Variants in CLASP1 observed in about 807,000 individuals in gnomAD.
CLASP1 encodes CLIP-associating protein 1.
CLASP1 carries 38 observed loss-of-function variants against 192.3 expected under a neutral mutation model. The observed-to-expected ratio is 0.20, with a 90% CI of 0.15 to 0.26. The LOEUF (loss-of-function observed/expected upper bound fraction) is 0.26. Among genes scored for constraint, CLASP1 ranks in the 10% least tolerant of loss-of-function variants. The pLI is 1.00. For synonymous variants in CLASP1, 691 were observed against 712.8 expected, an observed-to-expected ratio of 0.97 and a Z score of 0.49; for missense variants, 1,433 against 1,932.5, an observed-to-expected ratio of 0.74 and a Z score of 4.85.
chr2:121,356,897 G>A (rs1222947100), intron 37 of CLASP1, among the ~76,000 whole-genome samples: 1 of 152,188 alleles, frequency 6.6e-6, no homozygotes, highest in African/African-American at 2.4e-5. Context: ...ATGATGAGAA[G>A]GAGTGGAAAG....
intron 1 of CLASP1, among the ~76,000 whole-genome samples, chr2:121,609,708 T>C (rs2064945443): frequency 1.3e-5 from 2 of 152,162 alleles, no homozygotes; most frequent in South Asian, 4.1e-4. Context: ...TTTGGGAGGC[T>C]GAGGCGGGCG....
At chr2:121,468,057 A>G (rs2089987799) in intron 9 of CLASP1, among the ~76,000 whole-genome samples, 1 of 152,110 alleles carries the variant, frequency 6.6e-6, no homozygotes, top group Non-Finnish European at 1.5e-5. Context: ...TTCTTTCCCC[A>G]TTGCTTGTTT....
In CLASP1 at chr2:121,587,098, G is replaced by A. The variant is rs536578011; in HGVS notation, c.195+18603C>T. Among the ~76,000 whole-genome samples the A allele has an allele frequency of 7.5e-4, 114 of 152,086 alleles. 2 individuals carry two copies. The highest frequency in any genetic ancestry group is 2.7e-3 in the African/African-American group (110 of 41,460). On this transcript the variant is annotated intron_variant, in intron 2 of 39. Transcript: ENST00000263710. Reference sequence around the variant, plus strand: ...TCAACTAAAAATATAAAAATTAGCCGGGCACAGTGGTGCGAGCCTGTAGTC... The same window carrying A: ...TCAACTAAAAATATAAAAATTAGCCAGGCACAGTGGTGCGAGCCTGTAGTC...
intron 30 of CLASP1, among the ~76,000 whole-genome samples, chr2:121,394,421 A>G (rs1252462844): frequency 6.6e-6 from 1 of 152,180 alleles, no homozygotes; most frequent in East Asian, 1.9e-4. Flanking sequence ...AGTACCTTCA[A>G]TGTCATCCAC....
intron 1 of CLASP1, among the ~76,000 whole-genome samples, chr2:121,619,606 C>T (rs1045546421): frequency 1.3e-5 from 2 of 152,284 alleles, no homozygotes; most frequent in East Asian, 3.9e-4. Flanking sequence ...GAAACAAATA[C>T]TACACAGGTG....
chr2:121,596,188 C>T (rs1288648219), intron 2 of CLASP1, among the ~76,000 whole-genome samples: 1 of 152,174 alleles, frequency 6.6e-6, no homozygotes, highest in African/African-American at 2.4e-5. Flanking sequence ...CTTGACATAA[C>T]CTTTCCTAAG....
At chr2:121,395,588 AC>A (rs1301022810) in intron 30 of CLASP1, among the ~76,000 whole-genome samples, 7 of 152,182 alleles carry the variant, frequency 4.6e-5, no homozygotes, top group African/African-American at 1.7e-4. Context: ...AAACATGACT[AC>A]TGTCCTTTCC....
At chr2:121,395,539 T>C (rs1427698457) in intron 30 of CLASP1, among the ~76,000 whole-genome samples, 1 of 152,158 alleles carries the variant, frequency 6.6e-6, no homozygotes, top group Admixed American at 6.5e-5. Flanking sequence ...TTCAGACATA[T>C]CAGTCTATTT....
chr2:121,444,279 C>T lies in CLASP1; in HGVS notation c.1912+3058G>A, dbSNP rs149188049. On this transcript the variant is annotated intron_variant, in intron 19 of 39. Coordinates refer to ENST00000263710, the Ensembl canonical transcript of CLASP1. ...ATTTCTTACAGCATTACTATATCCT[C>T]GGTGTGTAGTACAGAACATGGCACA... is the stretch of plus-strand genomic sequence containing the variant. Among the ~76,000 whole-genome samples the T allele has an allele frequency of 2.0e-3, 309 of 152,048 alleles. 1 individual carries two copies. Among genetic ancestry groups the T allele is most frequent in the African/African-American group, 7.1e-3 (293 of 41,476 alleles).
chr2:121,644,957 A>C (rs1232254974), intron 1 of CLASP1, among the ~76,000 whole-genome samples: 1 of 150,972 alleles, frequency 6.6e-6, no homozygotes, highest in Non-Finnish European at 1.5e-5. Flanking sequence ...AACTGTCTCA[A>C]AAAAAAAACA....
At chr2:121,339,086 G>A (rs1165998207) in exon 40 of CLASP1, 1 of 152,382 alleles carries the variant, frequency 6.6e-6, no homozygotes, top group Non-Finnish European at 1.5e-5. Flanking sequence ...CAGCAGCAGT[G>A]AGGTACCACA....
intron 4 of CLASP1, among the ~76,000 whole-genome samples, 186 bp downstream of exon 4, chr2:121,528,491 T>C (rs1278739322): frequency 6.6e-6 from 1 of 152,250 alleles, no homozygotes; most frequent in Non-Finnish European, 1.5e-5. Context: ...ACTCATCTCA[T>C]AGTTTTGTGA....
chr2:121,425,083 A>C (rs1055525638), intron 22 of CLASP1, 56 bp downstream of exon 22: 5 of 1,493,748 alleles, frequency 3.3e-6, no homozygotes, highest in East Asian at 2.3e-5. Flanking sequence ...ATTAGATTAT[A>C]ATCAAAACTA....
chr2:121,510,560 G>A (rs925285725), intron 7 of CLASP1, among the ~76,000 whole-genome samples: 2 of 152,136 alleles, frequency 1.3e-5, no homozygotes, highest in African/African-American at 4.8e-5. Context: ...CTAACAAGTA[G>A]AGAGATTTAA....
At chr2:121,506,952 T>C (rs373156128) in intron 7 of CLASP1, among the ~76,000 whole-genome samples, 1 of 152,088 alleles carries the variant, frequency 6.6e-6, no homozygotes, top group African/African-American at 2.4e-5. Flanking sequence ...CAACAAAAAA[T>C]CTGGGGAGGG....
intron 1 of CLASP1, among the ~76,000 whole-genome samples, chr2:121,638,304 A>T (rs906210511): frequency 6.6e-6 from 1 of 152,042 alleles, no homozygotes; most frequent in Admixed American, 6.6e-5. Context: ...ATAAAAATTA[A>T]AAAAAAACAC....
At chr2:121,514,340 G>C (rs893907178) in intron 7 of CLASP1, among the ~76,000 whole-genome samples, 1 of 152,086 alleles carries the variant, frequency 6.6e-6, no homozygotes, top group Admixed American at 6.6e-5. Context: ...CGGTGACTTC[G>C]TCATTAAACA....
At chr2:121,460,364 C>CA (rs34097382) in intron 11 of CLASP1, among the ~76,000 whole-genome samples, 6 of 151,884 alleles carry the variant, frequency 4.0e-5, no homozygotes, top group Non-Finnish European at 1.5e-5. Flanking sequence ...ATAATTTCTG[C>CA]AAAAAAAGTT....
At chr2:121,470,293 CTTTTT>C (rs70954550) in intron 8 of CLASP1, 5,353 of 305,924 alleles carry the variant, frequency 0.017, 13 homozygotes, top group East Asian at 0.051. Context: ...ACCATCCATG[CTTTTT>C]TTTTTTTTTT....
Sources: allele counts gnomAD v4.1 joint callset (sites outside exome capture counted in the v4.1 genomes callset), GRCh38; gene constraint gnomAD v4.1.1; transcripts MANE v1.5; gene names NCBI Gene and HGNC (gene_info 2026-07-23, HGNC 2026-07-21).